TRMT44: variants seen among roughly 807,000 people sequenced by gnomAD.
The protein encoded by TRMT44 is probable tRNA (uracil-O(2)-)-methyltransferase.
Under a neutral mutation model 77.3 loss-of-function variants are expected in TRMT44, and 78 were observed. The observed-to-expected ratio is 1.01, with a 90% CI of 0.84 to 1.22. The LOEUF is 1.22. Ranked by LOEUF, TRMT44 falls within the 50% of genes most tolerant of loss-of-function variation. The probability of loss-of-function intolerance (pLI) is 0.00; values close to 1 mark genes in which losing one functional copy is unlikely to be tolerated. For missense variants in TRMT44, 1,090 were observed against 964.4 expected (o/e 1.13, Z -1.73); for synonymous variants, 391 against 383.3 (o/e 1.02, Z -0.23).
downstream of TRMT44, among the ~76,000 whole-genome samples, chr4:8,498,313 T>C (rs1728208772): frequency 6.6e-6 from 1 of 152,178 alleles, no homozygotes. The surrounding 1 kb of genome is among the most constrained non-coding windows in gnomAD (Gnocchi z 4.3). Context: ...TCCCTTCTTG[T>C]AGGGGTGTTC....
At position 8,465,358 on chromosome 4, in the gene TRMT44, G is replaced by C; in HGVS notation, c.1311-20G>C. On this transcript the variant is annotated intron_variant, in intron 7 of 10. Transcript: ENST00000389737. ...TCTGCTCAGGATGCTTGACCCTGTG[G>C]TTGTTGGTTCTTTTTGAAGGTCTTC... 6.3e-7 allele frequency: 1 copy of C among 1,598,960 alleles called. No homozygotes were observed. Among genetic ancestry groups the C allele is most frequent in the Non-Finnish European group, 8.5e-7 (1 of 1,172,568 alleles).
chr4:8,502,527 G>A, the TRMT44 span, among the ~76,000 whole-genome samples: 3 of 152,346 alleles, frequency 2.0e-5, no homozygotes, highest in South Asian at 4.1e-4. Context: ...CAGCCAGGGC[G>A]TTGGTCTCAG....
downstream of TRMT44, among the ~76,000 whole-genome samples, chr4:8,497,201 C>T (rs1213386335): frequency 6.6e-6 from 1 of 151,752 alleles, no homozygotes; most frequent in Non-Finnish European, 1.5e-5. Flanking sequence ...TTTACTGTTA[C>T]TCCTTTCCTT....
intron 2 of TRMT44, among the ~76,000 whole-genome samples, chr4:8,483,429 C>T (rs150621388): frequency 2.9e-4 from 44 of 151,678 alleles, no homozygotes; most frequent in African/African-American, 8.5e-4. Context: ...GGGGGGGGCA[C>T]GGTCTAAGTT....
chr4:8,493,709 G>A (rs1181706471), downstream of TRMT44, among the ~76,000 whole-genome samples: 4 of 152,002 alleles, frequency 2.6e-5, no homozygotes, highest in Admixed American at 1.3e-4. Flanking sequence ...TGCTCTCAGC[G>A]CAGCGGATCC....
rs1003301812 is a variant in TRMT44 at position 8,461,077 on chromosome 4, T to G, written c.1204-2908T>G. Among the ~76,000 whole-genome samples the G allele has an allele frequency of 6.6e-6, 1 of 151,922 alleles. No homozygotes were observed. Among genetic ancestry groups the G allele is most frequent in the Admixed American group, 6.6e-5 (1 of 15,254 alleles). On this transcript the variant is annotated intron_variant, in intron 6 of 10. Coordinates refer to ENST00000389737, the MANE Select transcript of TRMT44 (RefSeq NM_152544.3). The surrounding 1 kb of genome is among the most constrained non-coding windows in gnomAD (Gnocchi z 4.6). ...TGTTGCCCAGGCTGGTCTCAAACTC[T>G]GGGGCTCAAGTGATCCTCCCACCTC...
At chr4:8,467,792 A>G in intron 8 of TRMT44, 122 bp from the exon 9 acceptor site, 1 of 1,142,738 alleles carries the variant, frequency 8.8e-7, no homozygotes, top group Non-Finnish European at 1.2e-6. Context: ...TTTTTAAATC[A>G]GGATTTTTTC....
At chr4:8,478,384 A>G (rs1198987224), downstream of TRMT44, 2 of 136,108 alleles carry the variant, frequency 1.5e-5, no homozygotes, top group African/African-American at 6.5e-5. Flanking sequence ...CACCATGGCC[A>G]TAGGCCCCTC....
the TRMT44 span, chr4:8,506,777 G>A: frequency 6.6e-6 from 1 of 152,274 alleles, no homozygotes; most frequent in Non-Finnish European, 1.5e-5. Context: ...GCAGTGCTTG[G>A]AGCCATTTCT....
rs59477910 is a variant in TRMT44, at chr4:8,460,845, G to A, written c.1204-3140G>A. Among the ~76,000 whole-genome samples, 7 of 151,722 alleles carry A rather than the reference G, an allele frequency of 4.6e-5. No homozygotes were observed. In the South Asian group the frequency reaches 1.0e-3, roughly 23 times the overall value. ...GGATTATAGGCATGAGCCACCACACGCAGCCCCCCTTTTATTTTTTTGGAG... is the reference window on the plus strand; with the variant it reads ...GGATTATAGGCATGAGCCACCACACACAGCCCCCCTTTTATTTTTTTGGAG... On this transcript the variant is annotated intron_variant, in intron 6 of 10. Transcript: ENST00000389737.
At chr4:8,454,033 C>T (rs145630350) in intron 5 of TRMT44, among the ~76,000 whole-genome samples, 62 of 152,242 alleles carry the variant, frequency 4.1e-4, no homozygotes, top group African/African-American at 1.5e-3. Flanking sequence ...TACCTGGAGA[C>T]AGCTGGGAGG....
At chr4:8,510,130 G>A in the TRMT44 span, 1 of 152,648 alleles carries the variant, frequency 6.6e-6, no homozygotes. Context: ...CCTCAGCAGT[G>A]GGAATGTCCA....
downstream of TRMT44, among the ~76,000 whole-genome samples, chr4:8,480,727 T>G (rs1258192308): frequency 2.6e-5 from 4 of 152,206 alleles, no homozygotes; most frequent in African/African-American, 9.7e-5. Flanking sequence ...TAAACTGATT[T>G]TTTATCTTGC....
At chr4:8,457,026 C>CG (rs1410910289) in intron 6 of TRMT44, among the ~76,000 whole-genome samples, 1 of 136,854 alleles carries the variant, frequency 7.3e-6, no homozygotes, top group Non-Finnish European at 1.6e-5. Flanking sequence ...CGCCCCCCCC[C>CG]CCCAACTATC....
chr4:8,475,866 C>G lies in TRMT44; in HGVS notation c.2139C>G (p.Ala713=), dbSNP rs1346021804. 6.2e-7 allele frequency: 1 copy of G among 1,614,220 alleles called. No individual in the cohort carries two copies. The change falls in exon 11 of 11, where the codon GCC becomes GCG. Residue 713 remains alanine (A), a synonymous_variant. Transcript: ENST00000389737. The part of the protein sequence containing the change: ...PEAKQRLLSE[A]CKTRLCWFFM... ...CGAAACAGAGACTGCTCTCTGAAGC[C>G]TGCAAAACCCGCCTCTGCTGGTTCT... is the stretch of plus-strand genomic sequence containing the variant.
chr4:8,481,395 G>T (rs1727608908), downstream of TRMT44, among the ~76,000 whole-genome samples: 1 of 152,212 alleles, frequency 6.6e-6, no homozygotes. Flanking sequence ...ACCTCCTGAG[G>T]ACTGTGTCAT....
At chr4:8,494,977 A>G (rs1379925964), downstream of TRMT44, among the ~76,000 whole-genome samples, 1 of 152,032 alleles carries the variant, frequency 6.6e-6, no homozygotes, top group South Asian at 2.1e-4. Flanking sequence ...CATGGTAAGC[A>G]TTAAACACGG....
intron 10 of TRMT44, among the ~76,000 whole-genome samples, chr4:8,474,568 G>T (rs1354803275): frequency 6.6e-6 from 1 of 152,228 alleles, no homozygotes; most frequent in African/African-American, 2.4e-5. Context: ...AAAGCACACA[G>T]GCTCGTTATT....
rs769019830 is a variant in TRMT44 at position 8,467,899 on chromosome 4, T to C, written c.1495-15T>C. On this transcript the variant is annotated splice_polypyrimidine_tract_variant and intron_variant, in intron 8 of 10. Coordinates refer to ENST00000389737, the MANE Select transcript of TRMT44 (RefSeq NM_152544.3). ...TAGCCAGCTAAAATACTTGCTTTGC[T>C]TTCTTCAAACGCAGGTCTGTCTCGT... 1 of 1,579,516 alleles carries C rather than the reference T, an allele frequency of 6.3e-7. No individual in the cohort carries two copies. Among genetic ancestry groups the C allele is most frequent in the South Asian group, 1.1e-5 (1 of 88,046 alleles).
Sources: allele counts gnomAD v4.1 joint callset (sites outside exome capture counted in the v4.1 genomes callset), GRCh38; gene constraint gnomAD v4.1.1; non-coding constraint Gnocchi (gnomAD v3.1); transcripts MANE v1.5; gene names NCBI Gene and HGNC (gene_info 2026-07-23, HGNC 2026-07-21).